The following AOPEP variants were observed in gnomAD, a reference collection of about 807,000 sequenced individuals.
AOPEP encodes aminopeptidase O.
In AOPEP, 77 loss-of-function variants were observed where a neutral mutation model predicts 98.1. The ratio of observed to expected loss-of-function variants is 0.78; its 90% confidence interval spans 0.65 to 0.95. The LOEUF (loss-of-function observed/expected upper bound fraction) is 0.95. AOPEP is among the 40% of genes least tolerant of loss of function. The probability of loss-of-function intolerance (pLI) is 0.00; values close to 1 mark genes in which losing one functional copy is unlikely to be tolerated. For synonymous variants in AOPEP, 346 were observed against 365.3 expected (o/e 0.95, Z 0.60); for missense variants, 1,024 against 1,024.7 (o/e 1.00, Z 0.01).
chr9:95,074,132 C>T (rs112819791), intron 14 of AOPEP, among the ~76,000 whole-genome samples: 2 of 152,156 alleles, frequency 1.3e-5, no homozygotes, highest in Non-Finnish European at 2.9e-5. Context: ...TGTGTGCTTC[C>T]TTCCACGTGC....
intron 13 of AOPEP, among the ~76,000 whole-genome samples, chr9:95,032,367 C>T (rs1360651712): frequency 6.6e-6 from 1 of 152,220 alleles, no homozygotes; most frequent in African/African-American, 2.4e-5. Flanking sequence ...CTGTCCACCT[C>T]CCAGGGAAAT....
chr9:95,031,459 G>C (rs1282026296), intron 13 of AOPEP, among the ~76,000 whole-genome samples: 1 of 152,146 alleles, frequency 6.6e-6, no homozygotes, highest in Non-Finnish European at 1.5e-5. Flanking sequence ...TCATTTTAGT[G>C]TGATTAGAAG....
In AOPEP at chr9:94,981,890, T is replaced by C. The variant is rs117482524; in HGVS notation, c.1977+2463T>C. Among the ~76,000 whole-genome samples, 1,137 of 152,348 alleles carry C rather than the reference T, an allele frequency of 7.5e-3. 6 individuals carry two copies. The highest frequency in any genetic ancestry group is 0.013 in the Non-Finnish European group (851 of 68,034). On this transcript the variant is annotated intron_variant, in intron 11 of 16. Coordinates refer to ENST00000375315, the MANE Select transcript of AOPEP (RefSeq NM_001193329.3). ...CATTCCACAGGTTACAGAGGCTTTT[T>C]GTCTTCTCTCAGGAAGACTTGCCTT...
At chr9:95,010,264 A>G (rs1452745806) in intron 13 of AOPEP, among the ~76,000 whole-genome samples, 2 of 152,218 alleles carry the variant, frequency 1.3e-5, no homozygotes, top group Non-Finnish European at 2.9e-5. Context: ...TTTTGTTACA[A>G]AGGTATATTT....
intron 11 of AOPEP, 104 bp downstream of exon 11, chr9:94,979,531 T>A: frequency 1.4e-6 from 1 of 724,310 alleles, no homozygotes; most frequent in South Asian, 1.6e-5. Context: ...TGTAGGAAAG[T>A]AATTATCTTA....
At chr9:94,772,553 T>A (rs1841126306) in intron 2 of AOPEP, among the ~76,000 whole-genome samples, 1 of 152,176 alleles carries the variant, frequency 6.6e-6, no homozygotes, top group Non-Finnish European at 1.5e-5. Context: ...CTGCCAGCCC[T>A]GGATTTGAGA....
intron 5 of AOPEP, among the ~76,000 whole-genome samples, chr9:94,861,607 G>A (rs1253135738): frequency 2.6e-5 from 4 of 152,212 alleles, no homozygotes; most frequent in African/African-American, 9.7e-5. Context: ...CAGGCTGCCA[G>A]GGGTGGTTCC....
intron 13 of AOPEP, among the ~76,000 whole-genome samples, chr9:95,049,778 A>C (rs562005795): frequency 6.6e-6 from 1 of 152,354 alleles, no homozygotes; most frequent in East Asian, 1.9e-4. Context: ...CTTAGGTTTT[A>C]ATCATGTTCA....
At position 94,773,067 on chromosome 9, in the gene AOPEP, C is replaced by G. The variant is rs1451318724; in HGVS notation, c.863C>G (p.Pro288Arg). 1.9e-6 allele frequency: 3 copies of G among 1,614,078 alleles called. No individual in the cohort carries two copies. In the Admixed American group the frequency reaches 5.0e-5, roughly 27 times the overall value. Residue 288 changes from proline (P) to arginine (R), a missense_variant, in exon 3 of 17, where the codon CCC becomes CGC. Physicochemically the swap from Pro to Arg is moderately radical, Grantham distance 103. Coordinates refer to ENST00000375315, the MANE Select transcript of AOPEP (RefSeq NM_001193329.3). Reference protein sequence around the residue: ...NRALFPCQEPPVAMSTWQATV... With the variant: ...NRALFPCQEPRVAMSTWQATV... ...GCCCTTTTTCCATGCCAGGAGCCAC[C>G]CGTTGCCATGTCAACATGGCAGGCT... is the stretch of plus-strand genomic sequence containing the variant.
intron 14 of AOPEP, among the ~76,000 whole-genome samples, chr9:95,068,338 CT>C (rs944244294): frequency 3.9e-5 from 6 of 152,172 alleles, no homozygotes; most frequent in Non-Finnish European, 7.3e-5. Flanking sequence ...TGTTGTCCGT[CT>C]TTTTTATTTT....
In AOPEP at chr9:94,828,945, T is replaced by G. The variant is rs1588431848; in HGVS notation, c.1364+27943T>G. Among the ~76,000 whole-genome samples the G allele has an allele frequency of 2.6e-5, 4 of 151,896 alleles. No individual in the cohort carries two copies. The South Asian group carries it at 8.3e-4, about 32-fold the overall frequency. On this transcript the variant is annotated intron_variant, in intron 5 of 16. Transcript: ENST00000375315. ...GTGCAGTGGCCCAATCTCGACTCAC[T>G]GCAACCTCTGCCTCCCGGGTTCAGG...
intron 9 of AOPEP, among the ~76,000 whole-genome samples, chr9:94,958,729 A>G (rs1041171845): frequency 7.9e-5 from 12 of 152,170 alleles, no homozygotes; most frequent in African/African-American, 2.9e-4. Flanking sequence ...TAAAATTTCG[A>G]TTGTCTTTTA....
intron 5 of AOPEP, among the ~76,000 whole-genome samples, chr9:94,875,137 T>G (rs1332071273): frequency 6.6e-6 from 1 of 152,074 alleles, no homozygotes; most frequent in Admixed American, 6.5e-5. Context: ...CTTTGATAGG[T>G]AAAATCAGTA....
At chr9:94,934,814 C>G (rs1311055594) in intron 7 of AOPEP, 1 of 152,416 alleles carries the variant, frequency 6.6e-6, no homozygotes, top group African/African-American at 2.4e-5. Flanking sequence ...CCATCTCCTT[C>G]GAGGTCTGCC....
intron 10 of AOPEP, among the ~76,000 whole-genome samples, chr9:94,971,535 C>G (rs1442540987): frequency 1.3e-5 from 2 of 152,180 alleles, no homozygotes; most frequent in African/African-American, 4.8e-5. Context: ...CCCCCCGGAG[C>G]CTCTAATCTT....
At chr9:95,097,268 G>A in the AOPEP span, among the ~76,000 whole-genome samples, 1 of 152,264 alleles carries the variant, frequency 6.6e-6, no homozygotes, top group African/African-American at 2.4e-5. Flanking sequence ...ATGCTGTAAT[G>A]AGCTGGAGAC....
rs553521738 is a variant in AOPEP at position 94,959,683 on chromosome 9, C to T, written c.1872+3668C>T. Among the ~76,000 whole-genome samples the T allele has an allele frequency of 3.3e-5, 5 of 152,152 alleles. 1 individual carries two copies. The highest frequency in any genetic ancestry group is 1.2e-4 in the African/African-American group (5 of 41,506). On this transcript the variant is annotated intron_variant, in intron 9 of 16. Transcript: ENST00000375315. The stretch of plus-strand genomic sequence containing the variant: ...AAGAATGTGAAACATTACTCAAAAT[C>T]CCACCACCCAGAAATACCTATAATT...
At chr9:94,965,347 C>G (rs2059123821) in intron 9 of AOPEP, among the ~76,000 whole-genome samples, 1 of 152,170 alleles carries the variant, frequency 6.6e-6, no homozygotes, top group African/African-American at 2.4e-5. Flanking sequence ...AGTAAAGTCT[C>G]AGAAGGAGAA....
intron 8 of AOPEP, 77 bp from the exon 9 acceptor site, chr9:94,955,831 G>A: frequency 1.1e-6 from 1 of 952,108 alleles, no homozygotes; most frequent in Non-Finnish European, 1.6e-6. Flanking sequence ...TATGGGTTAG[G>A]TAGGGCTGAC....
Sources: allele counts gnomAD v4.1 joint callset (sites outside exome capture counted in the v4.1 genomes callset), GRCh38; gene constraint gnomAD v4.1.1; transcripts MANE v1.5; gene names NCBI Gene and HGNC (gene_info 2026-07-23, HGNC 2026-07-21).